EDC3: variants seen among roughly 807,000 people sequenced by gnomAD.
EDC3 encodes the protein enhancer of mRNA decapping 3, also known as enhancer of mRNA-decapping protein 3.
EDC3 carries 20 observed loss-of-function variants against 41.8 expected under a neutral mutation model. The ratio of observed to expected loss-of-function variants is 0.48; its 90% CI spans 0.34 to 0.70. The LOEUF (loss-of-function observed/expected upper bound fraction) is 0.70, where lower values mean the gene tolerates loss of function less well. EDC3 is among the 30% of genes least tolerant of loss of function. EDC3 has a pLI of 0.01. For missense variants in EDC3, 444 were observed against 636.8 expected (o/e 0.70, Z 3.26); for synonymous variants, 206 against 243.2 (o/e 0.85, Z 1.42).
intron 1 of EDC3, among the ~76,000 whole-genome samples, chr15:74,693,602 C>A (rs1053936387): frequency 6.6e-6 from 1 of 152,108 alleles, no homozygotes; most frequent in Non-Finnish European, 1.5e-5. Context: ...ACAAATCAAA[C>A]CTCTCCATAC....
chr15:74,687,372 T>G (rs1460447990), intron 1 of EDC3, among the ~76,000 whole-genome samples: 1 of 152,174 alleles, frequency 6.6e-6, no homozygotes, highest in South Asian at 2.1e-4. Context: ...GGCTTTTTTT[T>G]GTTACATTTA....
Position 74,632,778 on chromosome 15 carries a change from T to A in EDC3, c.1361A>T (p.Asp454Val). 1.2e-6 allele frequency: 2 copies of A among 1,614,258 alleles called. No homozygotes were observed. The highest frequency in any genetic ancestry group is 1.6e-4 in the Middle Eastern group (1 of 6,062). The change falls in exon 7 of 7, where the codon GAT (aspartate) becomes GTT (valine). Residue 454 changes from aspartate to valine, a missense_variant. By Grantham distance (152) the Asp-to-Val change is radical. Coordinates refer to ENST00000315127, the MANE Select transcript of EDC3 (RefSeq NM_025083.5). The surrounding 1 kb of genome is among the most constrained non-coding windows in gnomAD (Gnocchi z 4.0). ...PPVHEVEQGIDAKWSLALGLP... is the reference protein window; with the variant it reads ...PPVHEVEQGIVAKWSLALGLP... The stretch of plus-strand genomic sequence containing the variant: ...GCCCAGTGCCAGTGACCATTTGGCA[T>A]CAATGCCCTGTTCGACTTCATGCAC...
At chr15:74,681,995 G>A (rs1414324178) in intron 1 of EDC3, among the ~76,000 whole-genome samples, 2 of 152,162 alleles carry the variant, frequency 1.3e-5, no homozygotes, top group African/African-American at 4.8e-5. Flanking sequence ...AAAGACAAAG[G>A]AGTAGTATCT....
At chr15:74,695,096 G>A (rs1050435375) in intron 1 of EDC3, among the ~76,000 whole-genome samples, 16 of 152,180 alleles carry the variant, frequency 1.1e-4, no homozygotes, top group African/African-American at 3.6e-4. Context: ...GGTCTGTGGC[G>A]AAGGAAGAGA....
At chr15:74,664,437 T>C (rs1596319027) in intron 3 of EDC3, among the ~76,000 whole-genome samples, 1 of 152,244 alleles carries the variant, frequency 6.6e-6, no homozygotes, top group African/African-American at 2.4e-5. Flanking sequence ...TCCTGTGCCG[T>C]TTTTCTGCCA....
rs540697011 is a variant in EDC3 at position 74,671,352 on chromosome 15, T to C, written c.484+103A>G. The C allele has an allele frequency of 4.6e-6, 6 of 1,303,968 alleles. No homozygotes were observed. The highest frequency in any genetic ancestry group is 2.2e-5 in the Admixed American group (1 of 45,742). 80.8% of individuals were successfully genotyped at this position (1,303,968 alleles called of 1,614,324 possible). On this transcript the variant is annotated intron_variant, in intron 3 of 6. Transcript: ENST00000315127. This position sits in a 1 kb window ranked among gnomAD's most constrained non-coding sequence, Gnocchi z 4.6. ...TTCTGTGACGCTCAGCCAGCATCCA[T>C]TTTATTGGAATAACAAAGGATTTGT...
chr15:74,675,114 T>C lies in EDC3; in HGVS notation c.11A>G (p.Asp4Gly), dbSNP rs768775342. 9 of 1,613,306 alleles carry C rather than the reference T, an allele frequency of 5.6e-6. No homozygotes were observed. The highest frequency in any genetic ancestry group is 8.5e-7 in the Non-Finnish European group (1 of 1,180,026). Residue 4 changes from aspartate (D) to glycine (G), a missense_variant, in exon 2 of 7, where the codon GAT (aspartate) becomes GGT (glycine). Physicochemically the swap from Asp to Gly is moderately conservative, Grantham distance 94. This residue lies in a region of EDC3 where 200 missense variants were observed against 244.0 expected (regional missense o/e 0.82). Transcript: ENST00000315127. ...GATGGACACAATACTTCCCAGCCAA[T>C]CTGTAGCCATGTTTCACACGTGAGA... The part of the protein sequence containing the change: MAT[D>G]WLGSIVSINC...
At chr15:74,670,282 G>A (rs1052731324) in intron 3 of EDC3, among the ~76,000 whole-genome samples, 2 of 152,080 alleles carry the variant, frequency 1.3e-5, no homozygotes, top group African/African-American at 4.8e-5. Context: ...AATTTAAGGA[G>A]CATAACAGAT....
intron 1 of EDC3, among the ~76,000 whole-genome samples, chr15:74,693,855 A>C (rs1365723445): frequency 1.3e-5 from 2 of 152,068 alleles, no homozygotes; most frequent in African/African-American, 4.8e-5. Flanking sequence ...GTGGTGGTGC[A>C]TGCTTGTAGT....
intron 4 of EDC3, among the ~76,000 whole-genome samples, chr15:74,653,259 G>A (rs1229826898): frequency 2.0e-5 from 3 of 151,282 alleles, no homozygotes; most frequent in Non-Finnish European, 4.4e-5. Context: ...ATCATACTAG[G>A]TGATCAACTA....
At chr15:74,645,770 C>T (rs1331075104) in intron 4 of EDC3, among the ~76,000 whole-genome samples, 2 of 151,444 alleles carry the variant, frequency 1.3e-5, no homozygotes, top group African/African-American at 4.9e-5. Flanking sequence ...GTACCAGCTA[C>T]TAGGGAGGCT....
chr15:74,658,926 G>A (rs2062586709), intron 3 of EDC3, among the ~76,000 whole-genome samples: 1 of 151,988 alleles, frequency 6.6e-6, no homozygotes, highest in Non-Finnish European at 1.5e-5. Flanking sequence ...GTGACAGAGT[G>A]AGACTCTGTC....
At chr15:74,659,492 AT>A (rs1567166897) in intron 3 of EDC3, among the ~76,000 whole-genome samples, 1 of 7,260 alleles carries the variant, frequency 1.4e-4, no homozygotes, top group Admixed American at 5.7e-4. Context: ...ATAGAAATAT[AT>A]ATATATATAT....
intron 1 of EDC3, among the ~76,000 whole-genome samples, chr15:74,676,225 C>G (rs757387786): frequency 3.3e-5 from 5 of 152,142 alleles, no homozygotes; most frequent in African/African-American, 1.2e-4. Context: ...AACACAACAT[C>G]AACTTTTGTA....
intron 3 of EDC3, among the ~76,000 whole-genome samples, chr15:74,658,143 G>A (rs2062573656): frequency 6.6e-6 from 1 of 152,160 alleles, no homozygotes; most frequent in Non-Finnish European, 1.5e-5. Flanking sequence ...CGTGAATCAG[G>A]TGACTGGTAT....
intron 4 of EDC3, among the ~76,000 whole-genome samples, chr15:74,646,570 T>C (rs2062421985): frequency 6.6e-6 from 1 of 152,126 alleles, no homozygotes; most frequent in African/African-American, 2.4e-5. Flanking sequence ...TCACAATGAA[T>C]AGAAGAGGGA....
At chr15:74,685,560 G>A (rs77487144) in intron 1 of EDC3, among the ~76,000 whole-genome samples, 2 of 152,000 alleles carry the variant, frequency 1.3e-5, no homozygotes, top group Non-Finnish European at 1.5e-5. Context: ...AATAATAAAC[G>A]TGACAGAAGT....
intron 3 of EDC3, among the ~76,000 whole-genome samples, chr15:74,663,488 G>GAT (rs1433043666): frequency 2.0e-5 from 3 of 151,952 alleles, no homozygotes; most frequent in Non-Finnish European, 4.4e-5. Context: ...GAGCGCCAAC[G>GAT]TGATGTTCAA....
At chr15:74,678,730 A>C (rs898114716) in intron 1 of EDC3, among the ~76,000 whole-genome samples, 7 of 151,428 alleles carry the variant, frequency 4.6e-5, no homozygotes, top group Admixed American at 4.6e-4. Flanking sequence ...CCTCTACTAA[A>C]AATACAAAAA....
Sources: gnomAD v4.1 joint callset for allele counts (sites outside exome capture counted in the v4.1 genomes callset) on GRCh38, gnomAD v4.1.1 for gene constraint, gnomAD v4.1.1 regional missense constraint, Gnocchi (gnomAD v3.1) non-coding constraint, MANE v1.5 for transcripts, NCBI Gene and HGNC (gene_info 2026-07-23, HGNC 2026-07-21) for gene names.